The following CCBE1 variants were observed in gnomAD, a reference collection of about 807,000 sequenced individuals.
CCBE1 encodes collagen and calcium binding EGF domains 1.
In CCBE1, 37 loss-of-function variants were observed where a neutral mutation model predicts 50.0. The observed-to-expected ratio is 0.74, with a 90% CI of 0.57 to 0.97. The LOEUF (loss-of-function observed/expected upper bound fraction) is 0.97, where lower values mean the gene tolerates loss of function less well. Ranked by LOEUF, CCBE1 falls within the 50% of genes least tolerant of loss-of-function variation. The pLI, the probability that CCBE1 is intolerant of heterozygous loss-of-function variation, is 0.00. For missense variants in CCBE1, 538 were observed against 523.8 expected (o/e 1.03, Z -0.26); for synonymous variants, 234 against 203.7 (o/e 1.15, Z -1.27).
intron 5 of CCBE1, chr18:59,464,852 G>T (rs117636842): frequency 6.6e-6 from 1 of 152,298 alleles, no homozygotes; most frequent in Non-Finnish European, 1.5e-5. Flanking sequence ...AACAGCTCTG[G>T]TTTTTTCATC....
intron 2 of CCBE1, among the ~76,000 whole-genome samples, chr18:59,592,308 A>G (rs892559707): frequency 1.3e-5 from 2 of 152,268 alleles, no homozygotes; most frequent in Admixed American, 6.5e-5. Context: ...TTTTGTGTTT[A>G]GACTTGGGTC....
intron 2 of CCBE1, among the ~76,000 whole-genome samples, chr18:59,495,827 C>T (rs551203356): frequency 2.0e-5 from 3 of 152,188 alleles, no homozygotes; most frequent in South Asian, 2.1e-4. Context: ...AGGCAACTGC[C>T]GCTCTCGGGT....
chr18:59,612,689 G>A (rs936127422), intron 2 of CCBE1, among the ~76,000 whole-genome samples: 2 of 152,234 alleles, frequency 1.3e-5, no homozygotes, highest in East Asian at 1.9e-4. Flanking sequence ...GCAAACCAAG[G>A]TATCTGCAGC....
intron 2 of CCBE1, among the ~76,000 whole-genome samples, chr18:59,527,902 C>T (rs1351572272): frequency 6.6e-6 from 1 of 152,098 alleles, no homozygotes; most frequent in Non-Finnish European, 1.5e-5. Context: ...TCTCTGGCTC[C>T]CCTAACATTT....
intron 2 of CCBE1, among the ~76,000 whole-genome samples, chr18:59,560,344 C>T (rs766322656): frequency 3.3e-5 from 5 of 152,262 alleles, no homozygotes; most frequent in South Asian, 2.1e-4. Context: ...CAAACTAACA[C>T]GGGAACAGGA....
intron 2 of CCBE1, among the ~76,000 whole-genome samples, chr18:59,569,418 T>G (rs1328337779): frequency 6.6e-6 from 1 of 152,252 alleles, no homozygotes; most frequent in Non-Finnish European, 1.5e-5. Context: ...ATTTATCTTT[T>G]GCATCTATTC....
intron 4 of CCBE1, among the ~76,000 whole-genome samples, chr18:59,468,498 C>G (rs1266036490): frequency 6.6e-6 from 1 of 152,184 alleles, no homozygotes; most frequent in African/African-American, 2.4e-5. Context: ...GCAGGAGAGG[C>G]CAGAGATCCC....
At chr18:59,505,811 T>A (rs1461809565) in intron 2 of CCBE1, among the ~76,000 whole-genome samples, 1 of 152,160 alleles carries the variant, frequency 6.6e-6, no homozygotes, top group Non-Finnish European at 1.5e-5. Context: ...CACAGGTTTG[T>A]ATAGGGGGTA....
At chr18:59,451,335 G>A (rs1910919540) in intron 6 of CCBE1, among the ~76,000 whole-genome samples, 1 of 150,700 alleles carries the variant, frequency 6.6e-6, no homozygotes, top group African/African-American at 2.4e-5. Flanking sequence ...AGGCTTGAGT[G>A]CCAGCCCTCT....
chr18:59,617,710 G>A (rs536932127), intron 2 of CCBE1, among the ~76,000 whole-genome samples: 23 of 152,266 alleles, frequency 1.5e-4, no homozygotes, highest in East Asian at 1.4e-3. Context: ...CAGCCCTTTA[G>A]ATTGTAGGCT....
chr18:59,595,641 T>C (rs2053339771), intron 2 of CCBE1, among the ~76,000 whole-genome samples: 1 of 152,242 alleles, frequency 6.6e-6, no homozygotes, highest in Non-Finnish European at 1.5e-5. Flanking sequence ...ATGACTATTA[T>C]CAGCTCTCAA....
At chr18:59,662,258 G>C (rs1296091595) in intron 2 of CCBE1, among the ~76,000 whole-genome samples, 1 of 152,160 alleles carries the variant, frequency 6.6e-6, no homozygotes, top group Non-Finnish European at 1.5e-5. Context: ...ACCTCAGCTG[G>C]GAACGTGCAT....
chr18:59,468,196 C>T lies in CCBE1; in HGVS notation c.400+1277G>A, dbSNP rs576055481. On this transcript the variant is annotated intron_variant, in intron 4 of 10. Transcript: ENST00000439986. ...CCCAGGAGTTCCAGGCCAGACTGAG[C>T]AACATAGTAAAATCCCATCTCTATA... Among the ~76,000 whole-genome samples the T allele has an allele frequency of 7.3e-4, 111 of 152,262 alleles. 3 individuals are homozygous for T. In the South Asian group the frequency reaches 0.023, roughly 31 times the overall value.
intron 2 of CCBE1, among the ~76,000 whole-genome samples, chr18:59,644,727 A>G (rs1196133546): frequency 6.6e-6 from 1 of 152,152 alleles, no homozygotes; most frequent in Non-Finnish European, 1.5e-5. Context: ...CTCCCCCCAC[A>G]CCGTCACTAA....
intron 2 of CCBE1, among the ~76,000 whole-genome samples, chr18:59,654,399 G>A (rs1433945095): frequency 1.3e-5 from 2 of 152,228 alleles, no homozygotes; most frequent in African/African-American, 2.4e-5. Context: ...ACCAAGGTGG[G>A]TGGATCACTT....
At chr18:59,468,400 A>G (rs1041674645) in intron 4 of CCBE1, among the ~76,000 whole-genome samples, 5 of 151,142 alleles carry the variant, frequency 3.3e-5, no homozygotes, top group Non-Finnish European at 7.4e-5. Context: ...TAAATGCATA[A>G]AGAATAGGGT....
At chr18:59,673,223 G>A (rs895251392) in intron 2 of CCBE1, among the ~76,000 whole-genome samples, 10 of 152,148 alleles carry the variant, frequency 6.6e-5, no homozygotes, top group Admixed American at 1.3e-4. Context: ...GGTCAAGGAG[G>A]GTGAATGACT....
intron 7 of CCBE1, among the ~76,000 whole-genome samples, chr18:59,442,309 C>T (rs1389831139): frequency 6.6e-6 from 1 of 152,138 alleles, no homozygotes. Context: ...GAATTAACTG[C>T]TTTCTTCATT....
chr18:59,436,838 G>C lies in CCBE1; in HGVS notation c.988-697C>G, dbSNP rs1910180238. On this transcript the variant is annotated intron_variant, in intron 10 of 10. Coordinates refer to ENST00000439986, the MANE Select transcript of CCBE1 (RefSeq NM_133459.4). ...TAACAAAAATTTAGCCAGGTGTGGT[G>C]GTGGGCACCTGTGGACCCAGCTACT... Among the ~76,000 whole-genome samples the C allele has an allele frequency of 3.3e-5, 5 of 152,126 alleles. No individual in the cohort carries two copies. The South Asian group carries it at 1.0e-3, about 32-fold the overall frequency.
Sources: gnomAD v4.1 joint callset for allele counts (sites outside exome capture counted in the v4.1 genomes callset) on GRCh38, gnomAD v4.1.1 for gene constraint, MANE v1.5 for transcripts, NCBI Gene and HGNC (gene_info 2026-07-23, HGNC 2026-07-21) for gene names.